The following CAPZB variants were observed in gnomAD, a reference collection of about 807,000 sequenced individuals.
CAPZB encodes F-actin-capping protein subunit beta.
Under a neutral mutation model 38.1 loss-of-function variants are expected in CAPZB, and 2 were observed. The ratio of observed to expected loss-of-function variants is 0.05; its 90% confidence interval spans 0.02 to 0.17. The LOEUF (loss-of-function observed/expected upper bound fraction) is 0.17. Ranked by LOEUF, CAPZB falls within the 10% of genes least tolerant of loss-of-function variation. The pLI, the probability that CAPZB is intolerant of heterozygous loss-of-function variation, is 1.00. For synonymous variants in CAPZB, 107 were observed against 127.4 expected, an observed-to-expected ratio of 0.84 and a Z score of 1.08; for missense variants, 161 against 334.2, an observed-to-expected ratio of 0.48 and a Z score of 4.04.
At chr1:19,453,575 CTA>C (rs1448954976) in intron 1 of CAPZB, among the ~76,000 whole-genome samples, 1 of 152,170 alleles carries the variant, frequency 6.6e-6, no homozygotes, top group Non-Finnish European at 1.5e-5. Context: ...GCGCCTCTTT[CTA>C]TGTCTCAACC....
chr1:19,399,705 T>C (rs2094292766), intron 2 of CAPZB, among the ~76,000 whole-genome samples: 1 of 152,168 alleles, frequency 6.6e-6, no homozygotes, highest in Admixed American at 6.5e-5. Flanking sequence ...GCCTACCACC[T>C]TCTACCTGGT....
chr1:19,380,007 GA>G (rs988132333), intron 3 of CAPZB, among the ~76,000 whole-genome samples: 4 of 150,888 alleles, frequency 2.7e-5, no homozygotes, highest in Non-Finnish European at 4.4e-5. Context: ...GCATGTTAAG[GA>G]AAAAAAAAGT....
At chr1:19,400,584 A>C (rs186778584) in intron 2 of CAPZB, among the ~76,000 whole-genome samples, 210 of 152,224 alleles carry the variant, frequency 1.4e-3, no homozygotes, top group African/African-American at 4.7e-3. Flanking sequence ...GGGAAGTGGG[A>C]TCTCTCTCCA....
intron 1 of CAPZB, among the ~76,000 whole-genome samples, chr1:19,464,051 G>A (rs1270584346): frequency 6.6e-6 from 1 of 151,000 alleles, no homozygotes; most frequent in Non-Finnish European, 1.5e-5. Context: ...GCTGGATGTG[G>A]TGGTGCACAC....
At chr1:19,394,125 T>A (rs4488059) in intron 2 of CAPZB, among the ~76,000 whole-genome samples, 1 of 152,076 alleles carries the variant, frequency 6.6e-6, no homozygotes, top group East Asian at 1.9e-4. Context: ...CTCAGCCTCA[T>A]GAGTAGCTGG....
intron 1 of CAPZB, among the ~76,000 whole-genome samples, chr1:19,427,451 C>T (rs981953223): frequency 1.4e-4 from 21 of 152,302 alleles, no homozygotes; most frequent in African/African-American, 5.1e-4. Context: ...TATGGAGTCT[C>T]ACTTAACCAT....
intron 1 of CAPZB, among the ~76,000 whole-genome samples, chr1:19,447,222 G>A (rs375505468): frequency 3.4e-5 from 5 of 146,958 alleles, no homozygotes; most frequent in Admixed American, 1.4e-4. Flanking sequence ...AAATATTGAC[G>A]AACTTAAAAC....
intron 1 of CAPZB, among the ~76,000 whole-genome samples, chr1:19,469,782 ACACGCC>A (rs1270382976): frequency 1.3e-5 from 2 of 148,744 alleles, no homozygotes; most frequent in African/African-American, 5.0e-5. Flanking sequence ...ACACACACAC[ACACGCC>A]CGCCCACTGC....
intron 1 of CAPZB, among the ~76,000 whole-genome samples, chr1:19,480,527 G>A (rs10917460): frequency 0.29 from 43,482 of 152,038 alleles, 6,937 homozygotes; most frequent in Middle Eastern, 0.42. Context: ...AGTGCCAGGC[G>A]GCCAGTGCAA....
At chr1:19,475,771 G>A (rs1363987792) in intron 1 of CAPZB, among the ~76,000 whole-genome samples, 1 of 152,144 alleles carries the variant, frequency 6.6e-6, no homozygotes. Context: ...TTTTTACCTA[G>A]GAAAATGGCA....
At chr1:19,352,314 T>C (rs1186837286) in intron 6 of CAPZB, among the ~76,000 whole-genome samples, 1 of 152,254 alleles carries the variant, frequency 6.6e-6, no homozygotes, top group African/African-American at 2.4e-5. Flanking sequence ...GACTGCTCAC[T>C]AGCCAATGAC....
chr1:19,384,050 T>C (rs188871698), intron 3 of CAPZB, among the ~76,000 whole-genome samples: 1 of 152,374 alleles, frequency 6.6e-6, no homozygotes, highest in Non-Finnish European at 1.5e-5. Flanking sequence ...TATAAAACTG[T>C]TGTCTAGTCT....
intron 4 of CAPZB, among the ~76,000 whole-genome samples, chr1:19,362,267 C>T (rs148269564): frequency 8.6e-5 from 13 of 152,016 alleles, no homozygotes; most frequent in African/African-American, 1.9e-4. Context: ...GACAGAGTCT[C>T]GCTCTGTCGC....
At chr1:19,413,815 T>A (rs536446570) in intron 2 of CAPZB, among the ~76,000 whole-genome samples, 2 of 152,236 alleles carry the variant, frequency 1.3e-5, no homozygotes, top group South Asian at 2.1e-4. Context: ...GCAGGGGTAG[T>A]CGTCTTGGGT....
rs184828684 is a variant in CAPZB at position 19,457,275 on chromosome 1, C to T, written c.3+28161G>A. Among the ~76,000 whole-genome samples the T allele has an allele frequency of 1.1e-3, 160 of 152,228 alleles. 1 individual carries two copies. Among genetic ancestry groups the T allele is most frequent in the Admixed American group, 0.01 (156 of 15,282 alleles). On this transcript the variant is annotated intron_variant, in intron 1 of 8. Transcript: ENST00000264202. Reference sequence around the variant, plus strand: ...TCAAATTTCAACTGGGTTCACAGCACAGTTGAAGGTAGAAGATGACACAGA... The same window carrying T: ...TCAAATTTCAACTGGGTTCACAGCATAGTTGAAGGTAGAAGATGACACAGA...
intron 2 of CAPZB, among the ~76,000 whole-genome samples, chr1:19,406,512 G>A (rs2094333121): frequency 6.6e-6 from 1 of 152,168 alleles, no homozygotes; most frequent in Non-Finnish European, 1.5e-5. Flanking sequence ...GCTGCATTCA[G>A]AGTCAGCCAT....
intron 4 of CAPZB, among the ~76,000 whole-genome samples, chr1:19,378,002 G>C (rs1558200927): frequency 6.6e-6 from 1 of 152,212 alleles, no homozygotes; most frequent in African/African-American, 2.4e-5. Flanking sequence ...CTGAGCTCCA[G>C]GTCAGAAGTG....
intron 1 of CAPZB, among the ~76,000 whole-genome samples, chr1:19,452,760 A>C (rs1311077310): frequency 1.3e-5 from 2 of 149,864 alleles, no homozygotes. Flanking sequence ...CTCCCCTCCA[A>C]GCCCCACCTT....
intron 4 of CAPZB, among the ~76,000 whole-genome samples, chr1:19,362,368 C>CT (rs1475255463): frequency 6.6e-6 from 1 of 152,202 alleles, no homozygotes; most frequent in Non-Finnish European, 1.5e-5. Context: ...TCCCAAGTAG[C>CT]TGGGATTCCA....
Sources: gnomAD v4.1 joint callset for allele counts (sites outside exome capture counted in the v4.1 genomes callset) on GRCh38, gnomAD v4.1.1 for gene constraint, MANE v1.5 for transcripts, NCBI Gene and HGNC (gene_info 2026-07-23, HGNC 2026-07-21) for gene names.